C8orf88: variants seen among roughly 807,000 people sequenced by gnomAD.
C8orf88 encodes chromosome 8 open reading frame 88, also known as uncharacterized protein C8orf88.
C8orf88 carries 14 observed loss-of-function variants against 18.4 expected under a neutral mutation model. The observed-to-expected ratio is 0.76, with a 90% CI of 0.50 to 1.19. C8orf88 has a LOEUF of 1.19. Ranked by LOEUF, C8orf88 falls within the 50% of genes most tolerant of loss-of-function variation. C8orf88 has a pLI of 0.00. For synonymous variants in C8orf88, 45 were observed against 42.9 expected (o/e 1.05, Z -0.19); for missense variants, 116 against 134.7 (o/e 0.86, Z 0.69).
chr8:90,985,282 C>T (rs978820465), upstream of C8orf88: 3 of 5,300 alleles, frequency 5.7e-4, no homozygotes, highest in Non-Finnish European at 1.3e-3. Context: ...GGGCGGGGGG[C>T]GGGGCGGGAG....
At chr8:90,985,079 T>G (rs1468255761) in intron 1 of C8orf88, 35 bp downstream of exon 1, 1 of 152,034 alleles carries the variant, frequency 6.6e-6, no homozygotes, top group Non-Finnish European at 1.5e-5. Flanking sequence ...CCGACTTCCG[T>G]CCCCCAGTGT....
intron 4 of C8orf88, among the ~76,000 whole-genome samples, chr8:90,963,059 C>T (rs772035342): frequency 2.6e-4 from 39 of 151,636 alleles, no homozygotes; most frequent in Non-Finnish European, 5.2e-4. Flanking sequence ...CTTTCAGATT[C>T]CTACCAAGCA....
chr8:90,980,764 C>T (rs1431739325), intron 1 of C8orf88, among the ~76,000 whole-genome samples: 1 of 152,100 alleles, frequency 6.6e-6, no homozygotes, highest in Non-Finnish European at 1.5e-5. Flanking sequence ...ACAATCATAG[C>T]TCACTTCAAC....
intron 4 of C8orf88, among the ~76,000 whole-genome samples, chr8:90,961,229 TA>T (rs1335498509): frequency 3.3e-5 from 5 of 151,338 alleles, no homozygotes; most frequent in African/African-American, 7.3e-5. Flanking sequence ...CAATCAATAC[TA>T]AAAACTTAAC....
intron 1 of C8orf88, among the ~76,000 whole-genome samples, chr8:90,982,807 T>C (rs537036781): frequency 1.3e-3 from 191 of 152,178 alleles, no homozygotes; most frequent in Non-Finnish European, 2.2e-3. Context: ...ACACTGACAT[T>C]ATAGGGGACA....
At chr8:90,971,561 G>A (rs892592598) in intron 3 of C8orf88, among the ~76,000 whole-genome samples, 2 of 151,786 alleles carry the variant, frequency 1.3e-5, no homozygotes, top group African/African-American at 4.8e-5. Flanking sequence ...GACTGATGTC[G>A]CTTTATAAGC....
intron 4 of C8orf88, among the ~76,000 whole-genome samples, chr8:90,961,712 T>C (rs1253011366): frequency 6.6e-6 from 1 of 151,338 alleles, no homozygotes; most frequent in Non-Finnish European, 1.5e-5. Flanking sequence ...AACAGATTCC[T>C]TTTTTTCTCT....
At chr8:90,959,194 CTCA>C in intron 5 of C8orf88, 164 bp from the exon 6 acceptor site, 1 of 393,782 alleles carries the variant, frequency 2.5e-6, no homozygotes, top group Non-Finnish European at 4.5e-6. Flanking sequence ...AACAAAACGG[CTCA>C]TGTTTTTAAA....
intron 1 of C8orf88, among the ~76,000 whole-genome samples, chr8:90,982,872 G>T (rs897614002): frequency 1.3e-5 from 2 of 152,050 alleles, no homozygotes; most frequent in Non-Finnish European, 2.9e-5. Flanking sequence ...AATGAAAAAG[G>T]TTAAGTATTT....
intron 5 of C8orf88, among the ~76,000 whole-genome samples, chr8:90,960,243 T>TAAAG (rs1476777643): frequency 6.6e-6 from 1 of 151,436 alleles, no homozygotes; most frequent in East Asian, 1.9e-4. Context: ...AAAGACATGT[T>TAAAG]AAAGAAAAAT....
At chr8:90,970,442 T>A (rs1179472666) in intron 4 of C8orf88, among the ~76,000 whole-genome samples, 1 of 152,026 alleles carries the variant, frequency 6.6e-6, no homozygotes. Flanking sequence ...AAAATCATTT[T>A]ATTTTATTTT....
At chr8:90,977,991 T>G (rs1337928803) in intron 3 of C8orf88, among the ~76,000 whole-genome samples, 1 of 151,946 alleles carries the variant, frequency 6.6e-6, no homozygotes, top group East Asian at 1.9e-4. Context: ...GAGAAAGAAA[T>G]AGTATCTAGG....
At chr8:90,960,052 C>T (rs1021151539) in intron 5 of C8orf88, among the ~76,000 whole-genome samples, 1 of 151,378 alleles carries the variant, frequency 6.6e-6, no homozygotes, top group Non-Finnish European at 1.5e-5. Context: ...GGTTAAGTGA[C>T]TTGTCCAAGT....
chr8:90,978,706 A>T, intron 2 of C8orf88, 54 bp from the exon 3 acceptor site: 1 of 1,039,814 alleles, frequency 9.6e-7, no homozygotes, highest in Non-Finnish European at 1.4e-6. Flanking sequence ...AATAAATAAT[A>T]TAATCAACTA....
At position 90,971,068 on chromosome 8, in the gene C8orf88, T is replaced by C; in HGVS notation, c.221A>G (p.Lys74Arg). 1 of 1,508,864 alleles carries C rather than the reference T, an allele frequency of 6.6e-7. No individual in the cohort carries two copies. Among genetic ancestry groups the C allele is most frequent in the Non-Finnish European group, 8.8e-7 (1 of 1,131,340 alleles). 93.5% of individuals were successfully genotyped at this position (1,508,864 alleles called of 1,614,324 possible). A position where few individuals can be genotyped will look rare whatever the true frequency, so the allele number is the denominator to read the frequency against. Residue 74 changes from lysine to arginine, a missense_variant and splice_region_variant, in exon 4 of 6, where the codon AAA becomes AGA. Transcript: ENST00000517562. Reference sequence around the variant, plus strand: ...TGGGAATTATGATAAAATTTTACCTTTCTTAACTGGAGACTGCTGTTGCTG... The same window carrying C: ...TGGGAATTATGATAAAATTTTACCTCTCTTAACTGGAGACTGCTGTTGCTG... ...EQQQQQSPVK[K>R]ERIKYSRDFL...
intron 3 of C8orf88, among the ~76,000 whole-genome samples, chr8:90,973,304 G>A (rs1397704930): frequency 6.6e-6 from 1 of 152,058 alleles, no homozygotes; most frequent in Non-Finnish European, 1.5e-5. Context: ...AATGTTTATG[G>A]AATAAAGGAA....
chr8:90,978,329 G>A (rs1045585870), intron 3 of C8orf88, among the ~76,000 whole-genome samples: 5 of 152,174 alleles, frequency 3.3e-5, no homozygotes, highest in Admixed American at 1.3e-4. Flanking sequence ...TACGATGGTA[G>A]AAGCATATAT....
chr8:90,983,228 A>C (rs1026380279), intron 1 of C8orf88, among the ~76,000 whole-genome samples: 1 of 152,158 alleles, frequency 6.6e-6, no homozygotes, highest in Non-Finnish European at 1.5e-5. Context: ...TAAAAATGTA[A>C]ATGTATAGTT....
chr8:90,979,176 C>A (rs1248034798), intron 2 of C8orf88, among the ~76,000 whole-genome samples: 1 of 152,130 alleles, frequency 6.6e-6, no homozygotes, highest in Non-Finnish European at 1.5e-5. Flanking sequence ...TAAGAAGGTA[C>A]AACTAAATAA....
Sources: gnomAD v4.1 joint callset for allele counts (sites outside exome capture counted in the v4.1 genomes callset) on GRCh38, gnomAD v4.1.1 for gene constraint, MANE v1.5 for transcripts, NCBI Gene and HGNC (gene_info 2026-07-23, HGNC 2026-07-21) for gene names.